CCDC175: variants seen among roughly 807,000 people sequenced by gnomAD.
CCDC175 encodes coiled-coil domain containing 175, also known as coiled-coil domain-containing protein 175.
A neutral mutation model predicts 114.6 loss-of-function variants in CCDC175; 100 were observed. The observed-to-expected ratio is 0.87, with a 90% CI of 0.74 to 1.03. CCDC175 has a LOEUF of 1.03. Among genes scored for constraint, CCDC175 ranks in the 50% least tolerant of loss-of-function variants. The probability of loss-of-function intolerance (pLI) is 0.00; values close to 1 mark genes in which losing one functional copy is unlikely to be tolerated. For synonymous variants in CCDC175, 306 were observed against 308.7 expected (o/e 0.99, Z 0.09); for missense variants, 880 against 917.8 (o/e 0.96, Z 0.53).
intron 7 of CCDC175, among the ~76,000 whole-genome samples, chr14:59,560,855 G>A (rs1488767022): frequency 1.3e-5 from 2 of 152,114 alleles, no homozygotes; most frequent in Non-Finnish European, 2.9e-5. Flanking sequence ...GAACTGAAAT[G>A]AGAATAATAT....
chr14:59,520,665 C>T (rs1027280664), intron 17 of CCDC175, among the ~76,000 whole-genome samples: 1 of 152,172 alleles, frequency 6.6e-6, no homozygotes, highest in Non-Finnish European at 1.5e-5. Flanking sequence ...TTCTACTGTA[C>T]AGCTATAAAA....
intron 17 of CCDC175, among the ~76,000 whole-genome samples, chr14:59,512,422 C>T (rs1174481237): frequency 6.6e-6 from 1 of 152,200 alleles, no homozygotes; most frequent in African/African-American, 2.4e-5. Flanking sequence ...GGTGAGCCTC[C>T]CTGGTTGGCA....
In CCDC175 at chr14:59,563,685, AT is replaced by A; in HGVS notation, c.843+51del. On this transcript the variant is annotated intron_variant, in intron 6 of 19. Transcript: ENST00000537690. Reference sequence around the variant, plus strand: ...ATGAATTACAATCAACTCCTTTTTTATTGAGGTGCCTAGATAAGGCTTAAAA... The same window carrying A: ...ATGAATTACAATCAACTCCTTTTTTATGAGGTGCCTAGATAAGGCTTAAAA... 5 of 1,151,426 alleles carry A rather than the reference AT, an allele frequency of 4.3e-6. No homozygotes were observed. In the South Asian group the frequency reaches 1.5e-4, roughly 35 times the overall value. 71.3% of individuals were successfully genotyped at this position (1,151,426 alleles called of 1,614,324 possible).
intron 17 of CCDC175, among the ~76,000 whole-genome samples, chr14:59,513,200 C>T (rs188495603): frequency 2.6e-5 from 4 of 152,210 alleles, no homozygotes; most frequent in Admixed American, 2.6e-4. Context: ...GCCAAGATGG[C>T]CGAATAGGAA....
chr14:59,514,501 G>A lies in CCDC175; in HGVS notation c.2099-2698C>T, dbSNP rs185165686. Among the ~76,000 whole-genome samples the A allele has an allele frequency of 2.6e-3, 403 of 152,290 alleles. 1 individual carries two copies. Among genetic ancestry groups the A allele is most frequent in the African/African-American group, 8.8e-3 (367 of 41,558 alleles). On this transcript the variant is annotated intron_variant, in intron 17 of 19. Transcript: ENST00000537690. Reference sequence around the variant, plus strand: ...CTGATGGAGCTGAAAAACAAGGCACGAGAACTACATGACAAATGCATAAGC... The same window carrying A: ...CTGATGGAGCTGAAAAACAAGGCACAAGAACTACATGACAAATGCATAAGC...
At chr14:59,559,585 T>G (rs10132300) in intron 7 of CCDC175, among the ~76,000 whole-genome samples, 22 of 152,278 alleles carry the variant, frequency 1.4e-4, no homozygotes, top group African/African-American at 5.1e-4. Flanking sequence ...TAATTTCTTA[T>G]AGAAATCTTA....
At chr14:59,559,987 G>A (rs1254626704) in intron 7 of CCDC175, among the ~76,000 whole-genome samples, 1 of 151,974 alleles carries the variant, frequency 6.6e-6, no homozygotes, top group African/African-American at 2.4e-5. Flanking sequence ...AATAATTTGA[G>A]GTAATCCATA....
At chr14:59,575,058 CTTAT>C in intron 1 of CCDC175, 30 bp from the exon 2 acceptor site, 1 of 1,214,458 alleles carries the variant, frequency 8.2e-7, no homozygotes, top group Non-Finnish European at 1.1e-6. Flanking sequence ...ATAAAGATCT[CTTAT>C]TTATCTATCC....
chr14:59,527,130 A>G lies in CCDC175; in HGVS notation c.1807T>C (p.Phe603Leu), dbSNP rs2139995823. The part of the protein sequence containing the change: ...EDLLNNHIFL[F>L]TRDFSRYISN... Reference sequence around the variant, plus strand: ...ATGTATCTTGAAAAGTCCCTTGTAAACAGAAAAATGTGATTGTTCAGTAAA... The same window carrying G: ...ATGTATCTTGAAAAGTCCCTTGTAAGCAGAAAAATGTGATTGTTCAGTAAA... Residue 603 changes from phenylalanine (F) to leucine (L), a missense_variant, in exon 15 of 20, where the codon TTT becomes CTT. By Grantham distance (22) the Phe-to-Leu change is conservative (BLOSUM62 0). Coordinates refer to ENST00000537690, the MANE Select transcript of CCDC175 (RefSeq NM_001164399.2). 1 of 1,499,316 alleles carries G rather than the reference A, an allele frequency of 6.7e-7. No homozygotes were observed. The highest frequency in any genetic ancestry group is 2.5e-5 in the East Asian group (1 of 39,314). The allele number at this position is 1,499,316 out of a possible 1,614,324, so 92.9% of individuals were successfully genotyped here. A position where few individuals can be genotyped will look rare whatever the true frequency, so the allele number is the denominator to read the frequency against.
rs754319527 is a variant in CCDC175, at chr14:59,545,225, T to C, written c.1110A>G (p.Gln370=). 26 of 1,536,838 alleles carry C rather than the reference T, an allele frequency of 1.7e-5. No homozygotes were observed. In the South Asian group the frequency reaches 2.5e-4, roughly 15 times the overall value. The change falls in exon 9 of 20, where the codon CAA becomes CAG. Residue 370 remains glutamine, a synonymous_variant. Transcript: ENST00000537690. ...CTTCCTCACTTAAAACAATCTTATA[T>C]TGTCTGGCAAGAGTTTTCATTTTCT... ...LREKMKTLAR[Q]YKIVLSEEEK...
intron 2 of CCDC175, 102 bp downstream of exon 2, chr14:59,574,841 C>A: frequency 1.6e-6 from 1 of 606,390 alleles, no homozygotes; most frequent in Non-Finnish European, 2.8e-6. Context: ...AACTATATTC[C>A]CTAGTCATCT....
intron 13 of CCDC175, 86 bp from the exon 14 acceptor site, chr14:59,531,996 A>G (rs745517249): frequency 2.4e-4 from 166 of 680,712 alleles, no homozygotes; most frequent in Non-Finnish European, 2.8e-4. Flanking sequence ...TTTTTGAGGG[A>G]AAGAGTTTCA....
chr14:59,569,665 T>C (rs926616299), intron 3 of CCDC175, among the ~76,000 whole-genome samples: 9 of 150,990 alleles, frequency 6.0e-5, no homozygotes, highest in Admixed American at 5.9e-4. Flanking sequence ...TTTCTTTCCC[T>C]GCATGTATAG....
intron 9 of CCDC175, 81 bp downstream of exon 9, chr14:59,545,082 G>T: frequency 7.6e-7 from 1 of 1,313,258 alleles, no homozygotes; most frequent in Non-Finnish European, 1.0e-6. Context: ...ATAAGTTTAA[G>T]TGGAGAGCCA....
intron 14 of CCDC175, 32 bp downstream of exon 14, chr14:59,531,740 T>C (rs987825684): frequency 7.8e-6 from 11 of 1,414,884 alleles, no homozygotes; most frequent in African/African-American, 4.4e-5. Flanking sequence ...TTACCTGGGA[T>C]TGAGTTTAAT....
intron 17 of CCDC175, among the ~76,000 whole-genome samples, chr14:59,513,864 C>T (rs1210212264): frequency 6.6e-6 from 1 of 152,168 alleles, no homozygotes; most frequent in African/African-American, 2.4e-5. Context: ...GGACAGACTG[C>T]CTCCTCAAGC....
chr14:59,538,924 C>T, intron 11 of CCDC175, 84 bp from the exon 12 acceptor site: 1 of 1,242,508 alleles, frequency 8.0e-7, no homozygotes, highest in Non-Finnish European at 1.1e-6. Flanking sequence ...CAAAACAAGT[C>T]ATACTATGAC....
At chr14:59,520,707 A>C (rs1477890749) in intron 17 of CCDC175, among the ~76,000 whole-genome samples, 1 of 152,246 alleles carries the variant, frequency 6.6e-6, no homozygotes, top group Non-Finnish European at 1.5e-5. Flanking sequence ...GCAACAACTT[A>C]GATGAATCTT....
Position 59,538,837 on chromosome 14 carries a change from A to G in CCDC175, c.1359T>C (p.Val453=), listed in dbSNP as rs1894576783. ...ANLERESQRC[V]ITQWKMACLR... ...AGCAAGCCATTTTCCACTGAGTTAT[A>G]ACACTAGAGATTAGAGCAAAAAGAA... Residue 453 remains valine (V), a synonymous_variant, in exon 12 of 20, where the codon GTT becomes GTC. Coordinates refer to ENST00000537690, the MANE Select transcript of CCDC175 (RefSeq NM_001164399.2). The G allele has an allele frequency of 6.5e-7, 1 of 1,530,452 alleles. No homozygotes were observed. The highest frequency in any genetic ancestry group is 8.7e-7 in the Non-Finnish European group (1 of 1,145,164). 94.8% of individuals were successfully genotyped at this position (1,530,452 alleles called of 1,614,324 possible).
Sources: gnomAD v4.1 joint callset for allele counts (sites outside exome capture counted in the v4.1 genomes callset) on GRCh38, gnomAD v4.1.1 for gene constraint, MANE v1.5 for transcripts, NCBI Gene and HGNC (gene_info 2026-07-23, HGNC 2026-07-21) for gene names.